Variants in RTN4RL1 observed in about 807,000 individuals in gnomAD.
The protein encoded by RTN4RL1 is reticulon-4 receptor-like 1.
A neutral mutation model predicts 25.6 loss-of-function variants in RTN4RL1; 7 were observed. The ratio of observed to expected loss-of-function variants is 0.27; its 90% CI spans 0.16 to 0.51. The LOEUF is 0.51. RTN4RL1 is among the 20% of genes least tolerant of loss of function. RTN4RL1 has a pLI of 0.97. For missense variants in RTN4RL1, 500 were observed against 615.6 expected (o/e 0.81, Z 1.99); for synonymous variants, 297 against 288.2 (o/e 1.03, Z -0.31).
At position 1,952,331 on chromosome 17, in the gene RTN4RL1, G is replaced by GTTTT. The variant is rs1213295319; in HGVS notation, c.14-14524_14-14523insAAAA. ...GGAGGGGCATGGGTCAAGGGAGGTT[G>GTTTT]GTTTTTTTTTTTTTTTTTTTTTTGA... On this transcript the variant is annotated intron_variant, in intron 1 of 1. Coordinates refer to ENST00000331238, the MANE Select transcript of RTN4RL1 (RefSeq NM_178568.4). Among the ~76,000 whole-genome samples, 120 of 99,790 alleles carry GTTTT rather than the reference G, an allele frequency of 1.2e-3. 3 individuals are homozygous for GTTTT. The highest frequency in any genetic ancestry group is 1.8e-3 in the South Asian group (6 of 3,364). The allele number at this position is 99,790 out of a possible 152,430, so 65.5% of individuals were successfully genotyped here.
chr17:2,002,544 G>A (rs991979376), intron 1 of RTN4RL1, among the ~76,000 whole-genome samples: 6 of 149,970 alleles, frequency 4.0e-5, no homozygotes, highest in Non-Finnish European at 8.8e-5. Flanking sequence ...CGCCCACCTC[G>A]GCCTCCCAAA....
rs1276589062 is a variant in RTN4RL1, at chr17:1,937,376, T to C, written c.446A>G (p.His149Arg). The C allele has an allele frequency of 6.2e-7, 1 of 1,613,644 alleles. No individual in the cohort carries two copies. Reference sequence around the variant, plus strand: ...CTGCAGGTAGAGGTACTGCAGGCTGTGCAGGCCGCCAAAGACGCCGGCCGG... The same window carrying C: ...CTGCAGGTAGAGGTACTGCAGGCTGCGCAGGCCGCCAAAGACGCCGGCCGG... ...ALPAGVFGGL[H>R]SLQYLYLQDN... Residue 149 changes from histidine (H) to arginine (R), a missense_variant, in exon 2 of 2, where the codon CAC becomes CGC. Physicochemically the swap from His to Arg is conservative, Grantham distance 29. This residue lies in a region of RTN4RL1 where 232 missense variants were observed against 341.1 expected (regional missense o/e 0.68). Coordinates refer to ENST00000331238, the MANE Select transcript of RTN4RL1 (RefSeq NM_178568.4).
chr17:2,019,708 C>T (rs2067175254), intron 1 of RTN4RL1: 1 of 152,350 alleles, frequency 6.6e-6, no homozygotes, highest in African/African-American at 2.4e-5. Flanking sequence ...GCTCCAGGTC[C>T]GCAAGCTGAG....
intron 1 of RTN4RL1, among the ~76,000 whole-genome samples, chr17:1,954,394 T>G (rs1205648411): frequency 6.8e-6 from 1 of 147,754 alleles, no homozygotes; most frequent in African/African-American, 2.5e-5. Context: ...TTTTTTTTTT[T>G]TTTTTTTTTT....
At chr17:1,976,411 A>C (rs570808606) in intron 1 of RTN4RL1, among the ~76,000 whole-genome samples, 7 of 152,330 alleles carry the variant, frequency 4.6e-5, no homozygotes, top group African/African-American at 1.7e-4. Context: ...GTTTCACTGT[A>C]AGGTTTGCTA....
intron 1 of RTN4RL1, among the ~76,000 whole-genome samples, chr17:1,982,225 C>T (rs1342437945): frequency 6.6e-6 from 1 of 152,148 alleles, no homozygotes; most frequent in African/African-American, 2.4e-5. Context: ...CGCTTAAACC[C>T]AGGAGGCGGA....
chr17:1,983,537 C>T (rs1281669862), intron 1 of RTN4RL1, among the ~76,000 whole-genome samples: 1 of 151,802 alleles, frequency 6.6e-6, no homozygotes, highest in Non-Finnish European at 1.5e-5. Flanking sequence ...CAGCTGAGAC[C>T]ATAGTCACAC....
intron 1 of RTN4RL1, among the ~76,000 whole-genome samples, chr17:1,960,974 C>A (rs1191893231): frequency 2.6e-5 from 4 of 152,158 alleles, no homozygotes; most frequent in African/African-American, 7.2e-5. Context: ...GTCATAAGGA[C>A]CCAGCCCTAT....
At chr17:1,953,715 C>T (rs577362888) in intron 1 of RTN4RL1, among the ~76,000 whole-genome samples, 1 of 152,246 alleles carries the variant, frequency 6.6e-6, no homozygotes, top group East Asian at 1.9e-4. Flanking sequence ...CAGGCGAGCA[C>T]CACCAAGCTC....
chr17:1,968,737 T>G lies in RTN4RL1; in HGVS notation c.14-30929A>C, dbSNP rs376027033. Among the ~76,000 whole-genome samples, 16 of 152,226 alleles carry G rather than the reference T, an allele frequency of 1.1e-4. 1 individual carries two copies. Among genetic ancestry groups the G allele is most frequent in the African/African-American group, 3.9e-4 (16 of 41,556 alleles). ...CCGTCCCCTCTCCCTGGGATGCCCC[T>G]CCTTCCCGCACCTGCCTGGCTCATT... is the stretch of plus-strand genomic sequence containing the variant. On this transcript the variant is annotated intron_variant, in intron 1 of 1. Transcript: ENST00000331238.
intron 1 of RTN4RL1, among the ~76,000 whole-genome samples, chr17:1,975,778 A>G (rs1399871889): frequency 6.6e-6 from 1 of 152,230 alleles, no homozygotes; most frequent in Non-Finnish European, 1.5e-5. Context: ...CACCATTTGC[A>G]GATTTACTGA....
chr17:1,954,975 G>T (rs539867510), intron 1 of RTN4RL1, among the ~76,000 whole-genome samples: 29 of 152,100 alleles, frequency 1.9e-4, no homozygotes, highest in Admixed American at 1.2e-3. Context: ...AATTCTCCTC[G>T]GACCCTCTGC....
intron 1 of RTN4RL1, among the ~76,000 whole-genome samples, chr17:1,982,505 C>T (rs2066871571): frequency 6.6e-6 from 1 of 151,112 alleles, no homozygotes; most frequent in African/African-American, 2.4e-5. Flanking sequence ...GTCCCAGCTA[C>T]TCGGGGGGCC....
chr17:1,939,214 G>A (rs959717327), intron 1 of RTN4RL1, among the ~76,000 whole-genome samples: 16 of 151,508 alleles, frequency 1.1e-4, no homozygotes, highest in South Asian at 6.3e-4. Context: ...TTAGCCGGGC[G>A]TGGTGGCGCG....
At chr17:1,982,939 C>T (rs1308291057) in intron 1 of RTN4RL1, among the ~76,000 whole-genome samples, 1 of 152,188 alleles carries the variant, frequency 6.6e-6, no homozygotes, top group African/African-American at 2.4e-5. Flanking sequence ...TGGGTTTTCC[C>T]CAGTTCTCTC....
At chr17:2,015,191 G>A (rs866659524) in intron 1 of RTN4RL1, among the ~76,000 whole-genome samples, 3 of 152,166 alleles carry the variant, frequency 2.0e-5, no homozygotes, top group South Asian at 2.1e-4. Flanking sequence ...GCAGGGCTTC[G>A]CGAGGCACGG....
At chr17:1,966,475 G>A (rs2151311688) in intron 1 of RTN4RL1, among the ~76,000 whole-genome samples, 1 of 152,324 alleles carries the variant, frequency 6.6e-6, no homozygotes. Context: ...CCAAGGGAGG[G>A]AGAGGATTCT....
chr17:1,956,148 G>A (rs1915788101), intron 1 of RTN4RL1, among the ~76,000 whole-genome samples: 1 of 151,994 alleles, frequency 6.6e-6, no homozygotes, highest in Non-Finnish European at 1.5e-5. Flanking sequence ...GCTCTCAGGG[G>A]GTCTCTATCT....
chr17:2,000,252 T>C (rs1373198733), intron 1 of RTN4RL1, among the ~76,000 whole-genome samples: 2 of 152,190 alleles, frequency 1.3e-5, no homozygotes, highest in Admixed American at 6.5e-5. Context: ...GCCAAGGATA[T>C]TGGGTGCCTT....
Sources: allele counts gnomAD v4.1 joint callset (sites outside exome capture counted in the v4.1 genomes callset), GRCh38; gene constraint gnomAD v4.1.1; regional missense constraint gnomAD v4.1.1; transcripts MANE v1.5; gene names NCBI Gene and HGNC (gene_info 2026-07-23, HGNC 2026-07-21).